The following IRAK3 variants were observed in gnomAD, a reference collection of about 807,000 sequenced individuals.
IRAK3 encodes interleukin-1 receptor-associated kinase 3.
Under a neutral mutation model 56.6 loss-of-function variants are expected in IRAK3, and 57 were observed. The observed-to-expected ratio is 1.01, with a 90% CI of 0.81 to 1.26. The LOEUF (loss-of-function observed/expected upper bound fraction) is 1.26. Ranked by LOEUF, IRAK3 falls within the 50% of genes most tolerant of loss-of-function variation. The pLI is 0.00. For missense variants in IRAK3, 703 were observed against 719.0 expected, an observed-to-expected ratio of 0.98 and a Z score of 0.25; for synonymous variants, 258 against 255.7, an observed-to-expected ratio of 1.01 and a Z score of -0.09.
intron 1 of IRAK3, among the ~76,000 whole-genome samples, chr12:66,190,382 C>T (rs1797400): frequency 0.094 from 10,823 of 114,934 alleles, 1,269 homozygotes; most frequent in African/African-American, 0.27. Context: ...AGTTATGGCC[C>T]TTAAGAAAAA....
chr12:66,192,604 GAAAGA>G (rs1446244368), intron 1 of IRAK3, among the ~76,000 whole-genome samples: 1 of 151,556 alleles, frequency 6.6e-6, no homozygotes, highest in Non-Finnish European at 1.5e-5. Flanking sequence ...TTCCTCTCAA[GAAAGA>G]AAAGGGAAAT....
chr12:66,196,939 G>T, intron 1 of IRAK3: 1 of 1,535,416 alleles, frequency 6.5e-7, no homozygotes, highest in Non-Finnish European at 8.7e-7. Flanking sequence ...TTGGCATGTG[G>T]TTGTATGCAA....
At chr12:66,241,594 A>G (rs552946082) in intron 8 of IRAK3, among the ~76,000 whole-genome samples, 1 of 152,366 alleles carries the variant, frequency 6.6e-6, no homozygotes, top group Non-Finnish European at 1.5e-5. Context: ...TTCCTAAAAC[A>G]GAACATCCTT....
intron 8 of IRAK3, chr12:66,234,623 G>A (rs1400508817): frequency 6.2e-7 from 1 of 1,611,558 alleles, no homozygotes; most frequent in Non-Finnish European, 8.5e-7. Flanking sequence ...TCCTCCATCA[G>A]AAAACTTACA....
In IRAK3 at chr12:66,244,473, A is replaced by G. The variant is rs779650919; in HGVS notation, c.888-13A>G. The G allele has an allele frequency of 6.2e-7, 1 of 1,610,210 alleles. No individual in the cohort carries two copies. The highest frequency in any genetic ancestry group is 1.3e-5 in the African/African-American group (1 of 74,948). On this transcript the variant is annotated splice_polypyrimidine_tract_variant and intron_variant, in intron 8 of 11. Transcript: ENST00000261233. ...TGATATTTTGTCTTGTTTGTCCCTG[A>G]TCACAATTTTAGTGCAAACATCCTT...
intron 8 of IRAK3, among the ~76,000 whole-genome samples, chr12:66,243,191 C>A (rs1171242275): frequency 6.6e-6 from 1 of 152,126 alleles, no homozygotes; most frequent in Non-Finnish European, 1.5e-5. Context: ...CCCCCAAACT[C>A]TCTAAATAGA....
intron 3 of IRAK3, 57 bp downstream of exon 3, chr12:66,209,577 C>T (rs1220382205): frequency 2.8e-6 from 3 of 1,080,562 alleles, no homozygotes; most frequent in African/African-American, 3.1e-5. Context: ...TATAATTGAG[C>T]ATAAGGAATG....
Position 66,248,342 on chromosome 12 carries a change from C to A in IRAK3, c.*171C>A. ...TTCCATTTCTTTTTTCCCAAACCCTCAAACAGAGTGCCTTAAAAAATTGTT... is the reference window on the plus strand; with the variant it reads ...TTCCATTTCTTTTTTCCCAAACCCTAAAACAGAGTGCCTTAAAAAATTGTT... On this transcript the variant is annotated 3_prime_UTR_variant, in exon 12 of 12. Transcript: ENST00000261233. 1.8e-6 allele frequency: 1 copy of A among 559,572 alleles called. No individual in the cohort carries two copies. Among genetic ancestry groups the A allele is most frequent in the Admixed American group, 3.1e-5 (1 of 32,636 alleles). 34.7% of individuals were successfully genotyped at this position (559,572 alleles called of 1,614,324 possible). A position where few individuals can be genotyped will look rare whatever the true frequency, so the allele number is the denominator to read the frequency against.
At chr12:66,234,286 C>T (rs2052878571) in intron 8 of IRAK3, 1 of 1,612,764 alleles carries the variant, frequency 6.2e-7, no homozygotes, top group Non-Finnish European at 8.5e-7. Flanking sequence ...GAGGGCTGAT[C>T]ATTGATGCGG....
At chr12:66,222,103 T>C (rs966911052) in intron 6 of IRAK3, among the ~76,000 whole-genome samples, 1 of 152,234 alleles carries the variant, frequency 6.6e-6, no homozygotes, top group Non-Finnish European at 1.5e-5. Flanking sequence ...GATTTTTGTA[T>C]CTATGGCCAT....
At chr12:66,215,509 G>A (rs2052660631) in intron 5 of IRAK3, among the ~76,000 whole-genome samples, 1 of 152,102 alleles carries the variant, frequency 6.6e-6, no homozygotes, top group South Asian at 2.1e-4. Flanking sequence ...TTTTTTTGAA[G>A]AGCTCTTATT....
In IRAK3 at chr12:66,247,680, C is replaced by T; in HGVS notation, c.1315-15C>T. On this transcript the variant is annotated splice_polypyrimidine_tract_variant and intron_variant, in intron 11 of 11. Coordinates refer to ENST00000261233, the MANE Select transcript of IRAK3 (RefSeq NM_007199.3). ...TCAAACTTAATTTAATGTCTGTTTG[C>T]TTCTTTGTTATTAGGTTTTAAATAC... is the stretch of plus-strand genomic sequence containing the variant. The T allele has an allele frequency of 6.7e-7, 1 of 1,494,570 alleles. No individual in the cohort carries two copies. The highest frequency in any genetic ancestry group is 9.3e-7 in the Non-Finnish European group (1 of 1,071,238). 92.6% of individuals were successfully genotyped at this position (1,494,570 alleles called of 1,614,324 possible).
At chr12:66,220,398 C>T in intron 6 of IRAK3, among the ~76,000 whole-genome samples, 1 of 146,232 alleles carries the variant, frequency 6.8e-6, no homozygotes. Flanking sequence ...TTTTTAAATT[C>T]TATTCCATTG....
intron 1 of IRAK3, among the ~76,000 whole-genome samples, chr12:66,190,387 G>GAA (rs35465959): frequency 5.4e-5 from 8 of 146,956 alleles, no homozygotes; most frequent in South Asian, 2.1e-4. Context: ...TGGCCCTTAA[G>GAA]AAAAAAAAAA....
At chr12:66,232,467 G>A (rs2052854277) in intron 8 of IRAK3, among the ~76,000 whole-genome samples, 1 of 152,150 alleles carries the variant, frequency 6.6e-6, no homozygotes, top group African/African-American at 2.4e-5. Context: ...CTCGTGTTTG[G>A]TGATATGCAC....
At chr12:66,208,485 G>T (rs1040917517) in intron 2 of IRAK3, among the ~76,000 whole-genome samples, 3 of 152,208 alleles carry the variant, frequency 2.0e-5, no homozygotes, top group Admixed American at 2.0e-4. Context: ...ATACAGCTGG[G>T]CGCTGTGGCT....
rs75682271 is a variant in IRAK3, at chr12:66,208,373, C to T, written c.317-1083C>T. Among the ~76,000 whole-genome samples, 1,498 of 151,968 alleles carry T rather than the reference C, an allele frequency of 9.9e-3. 21 individuals carry two copies. Among genetic ancestry groups the T allele is most frequent in the African/African-American group, 0.034 (1,428 of 41,428 alleles). On this transcript the variant is annotated intron_variant, in intron 2 of 11. Transcript: ENST00000261233. ...CACACACACGCACACACACCACCTC[C>T]AATACTTTATGGCACAAGATGATAT...
intron 6 of IRAK3, among the ~76,000 whole-genome samples, chr12:66,219,045 T>TAC (rs1302763004): frequency 7.5e-5 from 11 of 146,624 alleles, no homozygotes; most frequent in African/African-American, 2.9e-4. Flanking sequence ...TGTGTGTGTG[T>TAC]GTGTATGTGT....
intron 1 of IRAK3, chr12:66,197,037 A>G: frequency 2.0e-6 from 3 of 1,528,372 alleles, no homozygotes. Flanking sequence ...GATTTCTGCA[A>G]CTGAAAACAG....
Sources: gnomAD v4.1 joint callset for allele counts (sites outside exome capture counted in the v4.1 genomes callset) on GRCh38, gnomAD v4.1.1 for gene constraint, MANE v1.5 for transcripts, NCBI Gene and HGNC (gene_info 2026-07-23, HGNC 2026-07-21) for gene names.